The following P3H2 variants were observed in gnomAD, a reference collection of about 807,000 sequenced individuals.
P3H2 encodes the protein prolyl 3-hydroxylase 2.
Under a neutral mutation model 87.0 loss-of-function variants are expected in P3H2, and 80 were observed. The ratio of observed to expected loss-of-function variants is 0.92; its 90% CI spans 0.77 to 1.11. P3H2 has a LOEUF of 1.11. P3H2 is among the 50% of genes least tolerant of loss of function. P3H2 has a pLI of 0.00. For synonymous variants in P3H2, 367 were observed against 359.3 expected, an observed-to-expected ratio of 1.02 and a Z score of -0.24; for missense variants, 1,001 against 923.9, an observed-to-expected ratio of 1.08 and a Z score of -1.08.
At chr3:189,994,026 T>A in intron 3 of P3H2, 68 bp downstream of exon 3, 2 of 1,246,246 alleles carry the variant, frequency 1.6e-6, no homozygotes, top group Non-Finnish European at 2.3e-6. Flanking sequence ...GCTGGAATAG[T>A]TTTTTACAAA....
At position 190,120,608 on chromosome 3, in the gene P3H2, GC is replaced by G. The variant is rs755690654; in HGVS notation, c.123del (p.Gln42SerfsTer162). On this transcript the variant is annotated frameshift_variant, in exon 1 of 15. Coordinates refer to ENST00000319332, the MANE Select transcript of P3H2 (RefSeq NM_018192.4). LOFTEE classifies it high-confidence loss of function. Reference protein sequence around the residue: ...RRELELEPGPLQPFDLLYASG... With the variant: ...RRELELEPGPXQPFDLLYASG... ...CTGGCGTAGAGCAGGTCGAAGGGCT[GC>G]AGAGGCCCGGGCTCCAGCTCCAGCT... 1 of 1,544,180 alleles carries G rather than the reference GC, an allele frequency of 6.5e-7. No individual in the cohort carries two copies. Among genetic ancestry groups the G allele is most frequent in the South Asian group, 1.2e-5 (1 of 84,074 alleles).
At chr3:189,971,732 C>T (rs1335505923) in intron 12 of P3H2, 158 bp downstream of exon 12, 3 of 644,162 alleles carry the variant, frequency 4.7e-6, no homozygotes, top group Non-Finnish European at 8.6e-6. Flanking sequence ...GATGATAATG[C>T]CACTTATTGG....
At chr3:190,084,592 C>A (rs893916662) in intron 1 of P3H2, among the ~76,000 whole-genome samples, 3 of 151,846 alleles carry the variant, frequency 2.0e-5, no homozygotes, top group African/African-American at 7.3e-5. Context: ...GAAATTGTTA[C>A]TCTGGCAAGT....
At chr3:190,036,584 T>A (rs946363190) in intron 1 of P3H2, among the ~76,000 whole-genome samples, 1 of 152,192 alleles carries the variant, frequency 6.6e-6, no homozygotes, top group African/African-American at 2.4e-5. Context: ...TATGACTTGC[T>A]TAAGATTGCA....
At chr3:190,097,668 C>T (rs972509825) in intron 1 of P3H2, among the ~76,000 whole-genome samples, 1 of 152,080 alleles carries the variant, frequency 6.6e-6, no homozygotes, top group Admixed American at 6.6e-5. Context: ...TGTTGGATTG[C>T]TACATAATCT....
intron 1 of P3H2, among the ~76,000 whole-genome samples, chr3:189,998,661 C>T (rs1032393562): frequency 2.0e-4 from 31 of 152,062 alleles, no homozygotes; most frequent in Admixed American, 2.0e-4. Flanking sequence ...CAGAGTATAT[C>T]TATGCTATGT....
intron 1 of P3H2, among the ~76,000 whole-genome samples, chr3:190,045,469 C>T (rs1361467014): frequency 6.6e-6 from 1 of 151,990 alleles, no homozygotes; most frequent in African/African-American, 2.4e-5. Flanking sequence ...ATTTTTCCTT[C>T]CCCCCAACCA....
chr3:190,007,471 T>C (rs1044524445), intron 1 of P3H2, among the ~76,000 whole-genome samples: 1 of 152,150 alleles, frequency 6.6e-6, no homozygotes, highest in African/African-American at 2.4e-5. Flanking sequence ...TCCAAATAAG[T>C]ACATCTTCCT....
chr3:189,974,725 T>TC (rs753593021), intron 8 of P3H2, 40 bp from the exon 9 acceptor site: 2 of 1,613,754 alleles, frequency 1.2e-6, no homozygotes, highest in Non-Finnish European at 1.7e-6. Flanking sequence ...GTTACCTCTG[T>TC]CCCCCGAAAG....
intron 14 of P3H2, among the ~76,000 whole-genome samples, chr3:189,959,039 T>A (rs1346497187): frequency 6.6e-6 from 1 of 151,996 alleles, no homozygotes. Flanking sequence ...ATCTCTTAAT[T>A]ACTGCCGCAG....
At chr3:190,079,977 A>C (rs890634511) in intron 1 of P3H2, among the ~76,000 whole-genome samples, 2 of 152,254 alleles carry the variant, frequency 1.3e-5, no homozygotes, top group African/African-American at 4.8e-5. Context: ...CTTGTACAAT[A>C]AAACTACTCA....
chr3:190,076,962 C>T (rs1411873654), intron 1 of P3H2, among the ~76,000 whole-genome samples: 2 of 152,150 alleles, frequency 1.3e-5, no homozygotes, highest in South Asian at 2.1e-4. Flanking sequence ...ACACACAGTA[C>T]CATCTGCCTC....
rs1381228658 is a variant in P3H2, at chr3:189,987,861, T to C, written c.956-192A>G. On this transcript the variant is annotated intron_variant, in intron 4 of 14. Coordinates refer to ENST00000319332, the MANE Select transcript of P3H2 (RefSeq NM_018192.4). The stretch of plus-strand genomic sequence containing the variant: ...GACATGATTTCAAGTATTCAAAAGT[T>C]ATTACCTTTGGTCTGCTTTGGTACT... The C allele has an allele frequency of 1.1e-5, 7 of 652,228 alleles. No individual in the cohort carries two copies. In the African/African-American group the frequency reaches 1.3e-4, roughly 12 times the overall value. 40.4% of individuals were successfully genotyped at this position (652,228 alleles called of 1,614,324 possible). A position where few individuals can be genotyped will look rare whatever the true frequency, so the allele number is the denominator to read the frequency against.
chr3:189,974,312 G>C, intron 9 of P3H2: 1 of 609,694 alleles, frequency 1.6e-6, no homozygotes, highest in Non-Finnish European at 2.9e-6. Context: ...TGATAGGCAG[G>C]GACCTTGCTA....
intron 1 of P3H2, among the ~76,000 whole-genome samples, chr3:190,002,564 C>A (rs747776729): frequency 6.6e-5 from 10 of 152,024 alleles, no homozygotes; most frequent in Admixed American, 5.2e-4. Flanking sequence ...ACACACCCGG[C>A]TAATTTTTGT....
At chr3:190,031,464 C>T (rs113725760) in intron 1 of P3H2, among the ~76,000 whole-genome samples, 326 of 152,108 alleles carry the variant, frequency 2.1e-3, no homozygotes, top group Non-Finnish European at 3.6e-3. Context: ...ACGGTAAACC[C>T]TGTCTCTACT....
intron 14 of P3H2, among the ~76,000 whole-genome samples, chr3:189,959,039 T>C (rs1346497187): frequency 6.6e-6 from 1 of 151,996 alleles, no homozygotes; most frequent in Non-Finnish European, 1.5e-5. Context: ...ATCTCTTAAT[T>C]ACTGCCGCAG....
At chr3:190,056,417 A>G (rs1413443675) in intron 1 of P3H2, among the ~76,000 whole-genome samples, 1 of 152,144 alleles carries the variant, frequency 6.6e-6, no homozygotes, top group African/African-American at 2.4e-5. Context: ...TACTCAACAC[A>G]GGGTCCACAT....
rs1419897656 is a variant in P3H2 at position 190,022,447 on chromosome 3, G to C, written c.481-27005C>G. On this transcript the variant is annotated intron_variant, in intron 1 of 14. Coordinates refer to ENST00000319332, the MANE Select transcript of P3H2 (RefSeq NM_018192.4). Reference sequence around the variant, plus strand: ...TGCAGTAACTCTCAGGATTCCATAAGACCTTTGTTTCTTTATGAAATATAA... The same window carrying C: ...TGCAGTAACTCTCAGGATTCCATAACACCTTTGTTTCTTTATGAAATATAA... 3.0e-5 allele frequency among the ~76,000 whole-genome samples: 4 copies of C among 135,132 alleles called. 2 individuals are homozygous for C. The highest frequency in any genetic ancestry group is 6.6e-5 in the Non-Finnish European group (4 of 60,478). 88.7% of individuals were successfully genotyped at this position (135,132 alleles called of 152,430 possible).
Sources: allele counts gnomAD v4.1 joint callset (sites outside exome capture counted in the v4.1 genomes callset), GRCh38; gene constraint gnomAD v4.1.1; transcripts MANE v1.5; gene names NCBI Gene and HGNC (gene_info 2026-07-23, HGNC 2026-07-21).